Variants in MED12L observed in about 807,000 individuals in gnomAD.
The protein encoded by MED12L is mediator of RNA polymerase II transcription subunit 12-like protein.
Under a neutral mutation model 281.3 loss-of-function variants are expected in MED12L, and 60 were observed. The ratio of observed to expected loss-of-function variants is 0.21; its 90% CI spans 0.17 to 0.26. The LOEUF (loss-of-function observed/expected upper bound fraction) is 0.26, where lower values mean the gene tolerates loss of function less well. Ranked by LOEUF, MED12L falls within the 10% of genes least tolerant of loss-of-function variation. The pLI, the probability that MED12L is intolerant of heterozygous loss-of-function variation, is 1.00. For missense variants in MED12L, 2,146 were observed against 2,680.9 expected, an observed-to-expected ratio of 0.80 and a Z score of 4.41; for synonymous variants, 974 against 987.2, an observed-to-expected ratio of 0.99 and a Z score of 0.25.
intron 16 of MED12L, among the ~76,000 whole-genome samples, chr3:151,220,391 T>C (rs1046185070): frequency 2.0e-5 from 3 of 152,144 alleles, no homozygotes; most frequent in African/African-American, 7.2e-5. Context: ...CCCTAAACTT[T>C]AATGTGCATA....
At chr3:151,227,528 T>C (rs1213548843) in intron 16 of MED12L, among the ~76,000 whole-genome samples, 1 of 152,252 alleles carries the variant, frequency 6.6e-6, no homozygotes, top group East Asian at 1.9e-4. Context: ...TGTGGCAGAC[T>C]GCAAGTCTAG....
At position 151,432,895 on chromosome 3, in the gene MED12L, T is replaced by G; in HGVS notation, c.*91T>G. On this transcript the variant is annotated 3_prime_UTR_variant, in exon 45 of 45. Transcript: ENST00000687756. Reference sequence around the variant, plus strand: ...CATTAGTCATCTTAAAAATGTCCCTTTTTTTCATTTCTTTGACATTTTACT... The same window carrying G: ...CATTAGTCATCTTAAAAATGTCCCTGTTTTTCATTTCTTTGACATTTTACT... The G allele has an allele frequency of 3.1e-6, 3 of 954,738 alleles. No individual in the cohort carries two copies. Among genetic ancestry groups the G allele is most frequent in the South Asian group, 3.5e-5 (2 of 57,372 alleles). The allele number at this position is 954,738 out of a possible 1,614,324, so 59.1% of individuals were successfully genotyped here.
At chr3:151,244,498 A>C (rs1262682284) in intron 16 of MED12L, among the ~76,000 whole-genome samples, 3 of 148,304 alleles carry the variant, frequency 2.0e-5, no homozygotes, top group Admixed American at 6.8e-5. Context: ...GAAACTGAAC[A>C]ACCTGCTCCT....
At chr3:151,348,796 C>A (rs186216161) in intron 16 of MED12L, among the ~76,000 whole-genome samples, 1 of 152,120 alleles carries the variant, frequency 6.6e-6, no homozygotes, top group Non-Finnish European at 1.5e-5. Context: ...GAAAAACAGG[C>A]GCTTAGTTTA....
chr3:151,149,723 A>T (rs760585364), intron 5 of MED12L, among the ~76,000 whole-genome samples: 3 of 152,250 alleles, frequency 2.0e-5, no homozygotes, highest in Non-Finnish European at 2.9e-5. Flanking sequence ...CAGTCCTCTC[A>T]AACTCTGCTA....
chr3:151,238,675 C>G (rs549421506), intron 16 of MED12L, among the ~76,000 whole-genome samples: 2 of 136,796 alleles, frequency 1.5e-5, no homozygotes, highest in East Asian at 4.1e-4. Context: ...TTATACCTTA[C>G]TGACATACAA....
intron 16 of MED12L, among the ~76,000 whole-genome samples, chr3:151,296,218 C>T (rs372743045): frequency 6.6e-6 from 1 of 152,112 alleles, no homozygotes; most frequent in Non-Finnish European, 1.5e-5. Context: ...CCTTTTGCTT[C>T]TTTGGAATTT....
chr3:151,137,091 G>A (rs1425284710), intron 5 of MED12L, among the ~76,000 whole-genome samples: 3 of 151,368 alleles, frequency 2.0e-5, no homozygotes, highest in South Asian at 2.1e-4. Context: ...GAACCTGGGA[G>A]GCGGAGGTTG....
At chr3:151,232,616 G>A (rs921563285) in intron 16 of MED12L, among the ~76,000 whole-genome samples, 1 of 152,180 alleles carries the variant, frequency 6.6e-6, no homozygotes, top group African/African-American at 2.4e-5. Flanking sequence ...CATAAAAAAA[G>A]AATGAGATCA....
chr3:151,318,414 A>G (rs911400186), intron 16 of MED12L, among the ~76,000 whole-genome samples: 5 of 150,660 alleles, frequency 3.3e-5, no homozygotes, highest in African/African-American at 9.8e-5. Context: ...GGGTTATGCT[A>G]TGCAGACTTT....
chr3:151,178,181 A>AAAAAAAAAAAAAAAAAAAG (rs1560124057), intron 11 of MED12L, among the ~76,000 whole-genome samples: 8 of 149,332 alleles, frequency 5.4e-5, no homozygotes, highest in African/African-American at 2.0e-4. Flanking sequence ...AAAAAAAAAA[A>AAAAAAAAAAAAAAAAAAAG]AAAGAAAGTG....
At chr3:151,219,903 C>CCA (rs1553746294) in intron 16 of MED12L, among the ~76,000 whole-genome samples, 2 of 136,722 alleles carry the variant, frequency 1.5e-5, no homozygotes, top group East Asian at 4.7e-4. Context: ...CCCCCCCCCC[C>CCA]CCTTGGATAT....
Position 151,176,841 on chromosome 3 carries a change from CTTATA to C in MED12L, c.1495-8485_1495-8481del, listed in dbSNP as rs1475888491. ...GTCAACTGCGGAATTAAGTCAGTTA[CTTATA>C]TTAATTAAGTGCATCTGTAAACTTT... On this transcript the variant is annotated intron_variant, in intron 11 of 44. Transcript: ENST00000687756. 2.0e-5 allele frequency among the ~76,000 whole-genome samples: 3 copies of C among 148,906 alleles called. No homozygotes were observed. The East Asian group carries it at 6.2e-4, about 31-fold the overall frequency.
chr3:151,271,697 A>G (rs1740981267), intron 16 of MED12L, among the ~76,000 whole-genome samples: 1 of 152,236 alleles, frequency 6.6e-6, no homozygotes, highest in South Asian at 2.1e-4. Context: ...CCCACAATAT[A>G]GGTAAATCTC....
At chr3:151,292,288 C>CTTT (rs35742538) in intron 16 of MED12L, among the ~76,000 whole-genome samples, 2 of 139,894 alleles carry the variant, frequency 1.4e-5, no homozygotes, top group African/African-American at 5.5e-5. Context: ...AATATTGCTC[C>CTTT]TTTTTTTTTT....
intron 41 of MED12L, 38 bp downstream of exon 41, chr3:151,411,545 G>T (rs1716938209): frequency 1.3e-6 from 2 of 1,569,800 alleles, no homozygotes; most frequent in Admixed American, 1.7e-5. Context: ...ATAATGAACA[G>T]TCACATTCTC....
At chr3:151,111,987 T>C (rs1711973390) in intron 2 of MED12L, among the ~76,000 whole-genome samples, 1 of 152,176 alleles carries the variant, frequency 6.6e-6, no homozygotes, top group South Asian at 2.1e-4. Flanking sequence ...TTTTCCCATC[T>C]CAGATGGGAA....
intron 40 of MED12L, 151 bp from the exon 41 acceptor site, chr3:151,411,127 G>A: frequency 3.1e-6 from 2 of 641,212 alleles, no homozygotes; most frequent in South Asian, 1.9e-5. Flanking sequence ...ATCCAGGGTA[G>A]TCCTCCTCAA....
In MED12L at chr3:151,436,371, A is replaced by T; in HGVS notation, c.*3567A>T. 1 of 225,728 alleles carries T rather than the reference A, an allele frequency of 4.4e-6. No individual in the cohort carries two copies. The allele number at this position is 225,728 out of a possible 1,614,324, so 14.0% of individuals were successfully genotyped here. ...TGGACACTAGGCAACTGGTATTAGA[A>T]GTTCATTTTTTTACTGAAAAATTCA... On this transcript the variant is annotated 3_prime_UTR_variant, in exon 45 of 45. Transcript: ENST00000687756.
Sources: allele counts gnomAD v4.1 joint callset (sites outside exome capture counted in the v4.1 genomes callset), GRCh38; gene constraint gnomAD v4.1.1; transcripts MANE v1.5; gene names NCBI Gene and HGNC (gene_info 2026-07-23, HGNC 2026-07-21).